Variants in IPO13 observed in about 807,000 individuals in gnomAD.
The protein encoded by IPO13 is importin-13.
A neutral mutation model predicts 115.5 loss-of-function variants in IPO13; 28 were observed. That is an observed-to-expected ratio of 0.24 (90% confidence interval 0.18 to 0.33). The LOEUF is 0.33. Among genes scored for constraint, IPO13 ranks in the 10% least tolerant of loss-of-function variants. The pLI, the probability that IPO13 is intolerant of heterozygous loss-of-function variation, is 1.00. For missense variants in IPO13, 785 were observed against 1,204.6 expected, an observed-to-expected ratio of 0.65 and a Z score of 5.16; for synonymous variants, 414 against 478.9, an observed-to-expected ratio of 0.86 and a Z score of 1.77.
Position 43,956,508 on chromosome 1 carries a change from A to G in IPO13, c.962+48A>G, listed in dbSNP as rs769862671. 1 of 1,613,966 alleles carries G rather than the reference A, an allele frequency of 6.2e-7. No individual in the cohort carries two copies. The highest frequency in any genetic ancestry group is 8.5e-7 in the Non-Finnish European group (1 of 1,179,912). ...GTGGGATAGTAGGGCCCTCTAAGAA[A>G]TGGGGTTCTGGAAGTCCCTGGAAAG... is the stretch of plus-strand genomic sequence containing the variant. On this transcript the variant is annotated intron_variant, in intron 3 of 19. Transcript: ENST00000372343. The surrounding 1 kb of genome is among the most constrained non-coding windows in gnomAD (Gnocchi z 4.7).
At position 43,949,663 on chromosome 1, in the gene IPO13, C is replaced by T. The variant is rs746066696; in HGVS notation, c.331C>T (p.Arg111Cys). The change falls in exon 2 of 20, where the codon CGC becomes TGC. Residue 111 changes from arginine to cysteine, a missense_variant. Coordinates refer to ENST00000372343, the MANE Select transcript of IPO13 (RefSeq NM_014652.4). The part of the protein sequence containing the change: ...LKAQLFTQIT[R>C]FASGSKIVLT... ...GGCACAGCTCTTCACCCAGATCACC[C>T]GCTTTGCCAGTGGCTCCAAGATTGT... 4.3e-6 allele frequency: 7 copies of T among 1,614,130 alleles called. No homozygotes were observed. The highest frequency in any genetic ancestry group is 4.5e-5 in the East Asian group (2 of 44,894).
At chr1:43,961,881 G>A (rs2085292739) in intron 14 of IPO13, among the ~76,000 whole-genome samples, 1 of 152,154 alleles carries the variant, frequency 6.6e-6, no homozygotes, top group South Asian at 2.1e-4. Context: ...AGTACCTTTG[G>A]CTGTGGTCCT....
chr1:43,961,032 G>T lies in IPO13; in HGVS notation c.2247+19G>T, dbSNP rs777009504. 3 of 1,613,756 alleles carry T rather than the reference G, an allele frequency of 1.9e-6. No individual in the cohort carries two copies. The highest frequency in any genetic ancestry group is 2.5e-6 in the Non-Finnish European group (3 of 1,179,674). ...TCGACAGGTGGGCCTTCTGGTTGGGGCAGAGATCCTGACCCTGGGTGGGGG... is the reference window on the plus strand; with the variant it reads ...TCGACAGGTGGGCCTTCTGGTTGGGTCAGAGATCCTGACCCTGGGTGGGGG... On this transcript the variant is annotated intron_variant, in intron 13 of 19. Transcript: ENST00000372343.
At chr1:43,959,904 T>G (rs2085278185) in intron 11 of IPO13, among the ~76,000 whole-genome samples, 1 of 152,218 alleles carries the variant, frequency 6.6e-6, no homozygotes, top group Non-Finnish European at 1.5e-5. Context: ...CTCCACTTCT[T>G]CAGAGGCTAG....
chr1:43,954,606 A>G (rs765497705), intron 2 of IPO13, among the ~76,000 whole-genome samples: 65 of 152,084 alleles, frequency 4.3e-4, no homozygotes, highest in Non-Finnish European at 7.9e-4. Flanking sequence ...GCTTAGTCTC[A>G]TCTCCACAGA....
At chr1:43,960,432 CAAGG>C in intron 12 of IPO13, 103 bp downstream of exon 12, 1 of 1,081,706 alleles carries the variant, frequency 9.2e-7, no homozygotes, top group Non-Finnish European at 1.4e-6. Context: ...TTGGAGAAAA[CAAGG>C]GAGGTGAATC....
chr1:43,957,519 C>T lies in IPO13; in HGVS notation c.1510C>T (p.Gln504Ter). 6.2e-7 allele frequency: 1 copy of T among 1,614,224 alleles called. No individual in the cohort carries two copies. The highest frequency in any genetic ancestry group is 8.5e-7 in the Non-Finnish European group (1 of 1,180,032). ...CCCACGGATCAGCATCAGCAACGTG[C>T]AGCTGGCAGACACTGTCATGTTCAC... ...LIPRISISNV[Q>*]LADTVMFTIG... Residue 504 changes from glutamine to a stop codon, truncating the protein, a stop_gained, in exon 7 of 20, where the codon CAG becomes TAG. Coordinates refer to ENST00000372343, the MANE Select transcript of IPO13 (RefSeq NM_014652.4). LOFTEE classifies it high-confidence loss of function.
At position 43,956,289 on chromosome 1, in the gene IPO13, T is replaced by G. The variant is rs1329654624; in HGVS notation, c.822-31T>G. On this transcript the variant is annotated intron_variant, in intron 2 of 19. Coordinates refer to ENST00000372343, the MANE Select transcript of IPO13 (RefSeq NM_014652.4). The surrounding 1 kb of genome is among the most constrained non-coding windows in gnomAD (Gnocchi z 4.7). ...GCCAGTGTGGGGTTGAGCAGAGAGC[T>G]CTGATGGATTTTCTCACCTCATGCC... 5.0e-6 allele frequency: 8 copies of G among 1,612,934 alleles called. No homozygotes were observed. The East Asian group carries it at 1.3e-4, about 27-fold the overall frequency.
intron 11 of IPO13, among the ~76,000 whole-genome samples, chr1:43,959,157 C>T (rs941385473): frequency 6.6e-5 from 10 of 152,178 alleles, no homozygotes; most frequent in Admixed American, 6.5e-5. Context: ...ATTGAGATTC[C>T]TCAGCCCCAT....
In IPO13 at chr1:43,956,627, A is replaced by C; in HGVS notation, c.1030A>C (p.Thr344Pro). 1 of 1,614,220 alleles carries C rather than the reference A, an allele frequency of 6.2e-7. No homozygotes were observed. Among genetic ancestry groups the C allele is most frequent in the Non-Finnish European group, 8.5e-7 (1 of 1,180,028 alleles). Reference protein sequence around the residue: ...LALVNMIMFCTGIPGHYPVNE... With the variant: ...LALVNMIMFCPGIPGHYPVNE... ...ACTCGTCAACATGATTATGTTCTGC[A>C]CAGGCATCCCTGGCCACTATCCTGT... is the stretch of plus-strand genomic sequence containing the variant. The change falls in exon 4 of 20, where the codon ACA (threonine) becomes CCA (proline). Residue 344 changes from threonine to proline, a missense_variant. By Grantham distance (38) the Thr-to-Pro change is conservative (BLOSUM62 -1). This residue lies in a region of IPO13 where 325 missense variants were observed against 449.8 expected (regional missense o/e 0.72). Transcript: ENST00000372343. This position sits in a 1 kb window ranked among gnomAD's most constrained non-coding sequence, Gnocchi z 4.7.
Position 43,957,201 on chromosome 1 carries a change from C to T in IPO13, c.1278C>T (p.Asp426=). ...EKEQFRIYRV[D]ISDTLMYVYE... ...GCCTTCATCTGCTTCTCAGGGTGGACATCTCAGACACGCTCATGTATGTCT... is the reference window on the plus strand; with the variant it reads ...GCCTTCATCTGCTTCTCAGGGTGGATATCTCAGACACGCTCATGTATGTCT... Residue 426 remains aspartate, a synonymous_variant, in exon 6 of 20, where the codon GAC becomes GAT. Coordinates refer to ENST00000372343, the MANE Select transcript of IPO13 (RefSeq NM_014652.4). 6.2e-7 allele frequency: 1 copy of T among 1,613,716 alleles called. No homozygotes were observed. The highest frequency in any genetic ancestry group is 8.5e-7 in the Non-Finnish European group (1 of 1,179,720).
chr1:43,963,678 A>G (rs908272541), intron 14 of IPO13, among the ~76,000 whole-genome samples: 1 of 152,212 alleles, frequency 6.6e-6, no homozygotes, highest in Admixed American at 6.5e-5. Flanking sequence ...CCTAAGCAAG[A>G]GTCCTGTGGT....
intron 2 of IPO13, among the ~76,000 whole-genome samples, chr1:43,950,762 T>A (rs1274092740): frequency 6.6e-6 from 1 of 152,222 alleles, no homozygotes; most frequent in East Asian, 1.9e-4. Context: ...CATGTTCCTT[T>A]CAGCCTCTGG....
intron 2 of IPO13, among the ~76,000 whole-genome samples, chr1:43,950,899 C>T (rs2085204587): frequency 6.6e-6 from 1 of 152,208 alleles, no homozygotes; most frequent in African/African-American, 2.4e-5. Flanking sequence ...AGTATTTTTC[C>T]TTCTTAGCCC....
chr1:43,950,268 G>C, intron 2 of IPO13, 115 bp downstream of exon 2: 1 of 1,249,302 alleles, frequency 8.0e-7, no homozygotes, highest in Non-Finnish European at 1.1e-6. Context: ...TCCTATGCTG[G>C]AGATACAGCA....
Position 43,957,984 on chromosome 1 carries a change from G to A in IPO13, c.1548G>A (p.Leu516=). The change falls in exon 8 of 20, where the codon CTG becomes CTA. Residue 516 remains leucine, a synonymous_variant. Transcript: ENST00000372343. ...TCTCCCTCCTTCCTCCAGGAGCTCTGTCTGAATGGCTGGCTGACCACCCCG... is the reference window on the plus strand; with the variant it reads ...TCTCCCTCCTTCCTCCAGGAGCTCTATCTGAATGGCTGGCTGACCACCCCG... ...ADTVMFTIGA[L]SEWLADHPVM... is the part of the protein sequence containing the mutation. The A allele has an allele frequency of 6.2e-7, 1 of 1,614,084 alleles. No individual in the cohort carries two copies. Among genetic ancestry groups the A allele is most frequent in the Middle Eastern group, 1.6e-4 (1 of 6,062 alleles).
In IPO13 at chr1:43,949,878, A is replaced by T; in HGVS notation, c.546A>T (p.Leu182=). 6.2e-7 allele frequency: 1 copy of T among 1,612,028 alleles called. No individual in the cohort carries two copies. Among genetic ancestry groups the T allele is most frequent in the Non-Finnish European group, 8.5e-7 (1 of 1,179,836 alleles). ...CTGAGGAGTTCCAGACCAGTCGCCT[A>T]CCCCAGTACCGCAAAGGCCTGGTGC... The part of the protein sequence containing the change: ...VLPEEFQTSR[L]PQYRKGLVRT... The change falls in exon 2 of 20, where the codon CTA becomes CTT. Residue 182 remains leucine, a synonymous_variant. Transcript: ENST00000372343.
Position 43,966,389 on chromosome 1 carries a change from C to T in IPO13, c.2398-186C>T. ...GTACACATACATGTACATAGCATCC[C>T]TTGAGCTGTCCTCACCTGACCTACT... On this transcript the variant is annotated intron_variant, in intron 15 of 19. Coordinates refer to ENST00000372343, the MANE Select transcript of IPO13 (RefSeq NM_014652.4). This position sits in a 1 kb window ranked among gnomAD's most constrained non-coding sequence, Gnocchi z 4.1. 1.5e-6 allele frequency: 1 copy of T among 645,286 alleles called. No individual in the cohort carries two copies. The highest frequency in any genetic ancestry group is 1.7e-5 in the South Asian group (1 of 57,666). The allele number at this position is 645,286 out of a possible 1,614,324, so 40.0% of individuals were successfully genotyped here.
rs574435223 is a variant in IPO13 at position 43,960,727 on chromosome 1, G to A, written c.2110-149G>A. 3.7e-5 allele frequency: 37 copies of A among 1,006,686 alleles called. No individual in the cohort carries two copies. The South Asian group carries it at 5.2e-4, about 14-fold the overall frequency. The allele number at this position is 1,006,686 out of a possible 1,614,324, so 62.4% of individuals were successfully genotyped here. On this transcript the variant is annotated intron_variant, in intron 12 of 19. Transcript: ENST00000372343. Reference sequence around the variant, plus strand: ...CTTTGCCCCCTGCCTTTCAGGGTGAGGGTCAGACTTGCTTACCTTCCTTGG... The same window carrying A: ...CTTTGCCCCCTGCCTTTCAGGGTGAAGGTCAGACTTGCTTACCTTCCTTGG...
Sources: gnomAD v4.1 joint callset for allele counts (sites outside exome capture counted in the v4.1 genomes callset) on GRCh38, gnomAD v4.1.1 for gene constraint, gnomAD v4.1.1 regional missense constraint, Gnocchi (gnomAD v3.1) non-coding constraint, MANE v1.5 for transcripts, NCBI Gene and HGNC (gene_info 2026-07-23, HGNC 2026-07-21) for gene names.